Variants in MNAT1 observed in about 807,000 individuals in gnomAD.
MNAT1 encodes MNAT1 component of CDK activating kinase, also known as CDK-activating kinase assembly factor MAT1.
MNAT1 carries 43 observed loss-of-function variants against 42.0 expected under a neutral mutation model. The ratio of observed to expected loss-of-function variants is 1.02; its 90% CI spans 0.80 to 1.32. MNAT1 has a LOEUF of 1.32. MNAT1 is among the 40% of genes most tolerant of loss of function. MNAT1 has a pLI of 0.00. For missense variants in MNAT1, 306 were observed against 350.4 expected, an observed-to-expected ratio of 0.87 and a Z score of 1.01; for synonymous variants, 118 against 120.0, an observed-to-expected ratio of 0.98 and a Z score of 0.11.
chr14:60,893,239 A>C (rs544249524), intron 7 of MNAT1, among the ~76,000 whole-genome samples: 1 of 152,030 alleles, frequency 6.6e-6, no homozygotes, highest in East Asian at 1.9e-4. Flanking sequence ...AGGCCATCAA[A>C]GGAATTCTTT....
chr14:60,939,582 C>T (rs539878609), intron 7 of MNAT1, among the ~76,000 whole-genome samples: 1 of 152,170 alleles, frequency 6.6e-6, no homozygotes. Flanking sequence ...TTTGATTGCA[C>T]TGTGGTCTGA....
At chr14:60,834,532 A>G (rs1264963767) in intron 6 of MNAT1, among the ~76,000 whole-genome samples, 3 of 152,070 alleles carry the variant, frequency 2.0e-5, no homozygotes, top group African/African-American at 4.8e-5. Flanking sequence ...ACCATTTGTT[A>G]TGATTTTTGT....
chr14:60,962,904 T>TA (rs1239937819), intron 7 of MNAT1, among the ~76,000 whole-genome samples: 1 of 152,204 alleles, frequency 6.6e-6, no homozygotes, highest in Non-Finnish European at 1.5e-5. Context: ...GGCTAGATGG[T>TA]AAAGTGTAAG....
chr14:60,826,474 G>T (rs1354682986), intron 6 of MNAT1, among the ~76,000 whole-genome samples: 1 of 151,770 alleles, frequency 6.6e-6, no homozygotes, highest in Non-Finnish European at 1.5e-5. Flanking sequence ...ATGCCACCAT[G>T]CCCGGCTAAT....
intron 1 of MNAT1, among the ~76,000 whole-genome samples, chr14:60,754,176 A>G (rs1352595279): frequency 1.3e-5 from 2 of 152,226 alleles, no homozygotes; most frequent in Non-Finnish European, 2.9e-5. Flanking sequence ...GTGAGATAAT[A>G]AATTGTTTAT....
chr14:60,822,213 G>A (rs1423056705), intron 6 of MNAT1, among the ~76,000 whole-genome samples: 1 of 151,968 alleles, frequency 6.6e-6, no homozygotes, highest in Non-Finnish European at 1.5e-5. Context: ...AGTTGCTGGT[G>A]GTCTTTCTGT....
At chr14:60,760,770 C>T (rs1372165297) in intron 1 of MNAT1, among the ~76,000 whole-genome samples, 2 of 152,180 alleles carry the variant, frequency 1.3e-5, no homozygotes, top group African/African-American at 2.4e-5. Flanking sequence ...AAATCGTTCT[C>T]CTCTTGTCTG....
At chr14:60,784,396 C>G (rs1286704516) in intron 1 of MNAT1, among the ~76,000 whole-genome samples, 2 of 150,784 alleles carry the variant, frequency 1.3e-5, no homozygotes, top group Admixed American at 1.3e-4. Flanking sequence ...TCAGGCTGGT[C>G]TTGAACCCCT....
chr14:60,797,769 C>CA (rs2032065073), intron 2 of MNAT1, among the ~76,000 whole-genome samples: 1 of 151,782 alleles, frequency 6.6e-6, no homozygotes, highest in Non-Finnish European at 1.5e-5. Context: ...CTACTAAATA[C>CA]AAAAAACATT....
intron 7 of MNAT1, among the ~76,000 whole-genome samples, chr14:60,916,946 C>CT (rs1291188364): frequency 6.6e-6 from 1 of 151,994 alleles, no homozygotes; most frequent in Non-Finnish European, 1.5e-5. Flanking sequence ...GAGCAAGACT[C>CT]TGTCTCCAAA....
chr14:60,826,318 T>C lies in MNAT1; in HGVS notation c.687+7471T>C, dbSNP rs1214185737. Among the ~76,000 whole-genome samples the C allele has an allele frequency of 9.1e-5, 13 of 143,006 alleles. 1 individual carries two copies. The highest frequency in any genetic ancestry group is 1.2e-4 in the Non-Finnish European group (8 of 65,974). 93.8% of individuals were successfully genotyped at this position (143,006 alleles called of 152,430 possible). A position where few individuals can be genotyped will look rare whatever the true frequency, so the allele number is the denominator to read the frequency against. On this transcript the variant is annotated intron_variant, in intron 6 of 7. Transcript: ENST00000261245. The stretch of plus-strand genomic sequence containing the variant: ...CATGAATAGGAGAAATTTTTTTTTT[T>C]TTTTTTTTTTTTTTTTGAGATGGAG...
chr14:60,906,641 G>A (rs1313879925), intron 7 of MNAT1, among the ~76,000 whole-genome samples: 1 of 152,082 alleles, frequency 6.6e-6, no homozygotes, highest in African/African-American at 2.4e-5. Context: ...TTGCTCCTAG[G>A]GTTTTATCTG....
intron 1 of MNAT1, among the ~76,000 whole-genome samples, chr14:60,742,963 A>T (rs947595063): frequency 1.3e-5 from 2 of 152,206 alleles, no homozygotes; most frequent in African/African-American, 4.8e-5. Flanking sequence ...ACATTCATGT[A>T]CAAGTTTTCG....
chr14:60,834,923 C>CCCTT (rs35945471), intron 6 of MNAT1, among the ~76,000 whole-genome samples: 44,342 of 93,704 alleles, frequency 0.47, 12,774 homozygotes, highest in Non-Finnish European at 0.6. Flanking sequence ...TTATGTAGTG[C>CCCTT]CCTTCCTTCC....
intron 1 of MNAT1, among the ~76,000 whole-genome samples, chr14:60,747,023 T>C (rs1896656081): frequency 7.0e-6 from 1 of 142,932 alleles, no homozygotes. Flanking sequence ...TCTCGCTCTG[T>C]CGCCCAGTCT....
At chr14:60,936,911 C>T (rs907732746) in intron 7 of MNAT1, among the ~76,000 whole-genome samples, 43 of 152,134 alleles carry the variant, frequency 2.8e-4, no homozygotes, top group African/African-American at 1.0e-3. Context: ...TTTTAATGAT[C>T]ACCATTCTAA....
At chr14:60,909,495 T>A (rs1233542793) in intron 7 of MNAT1, among the ~76,000 whole-genome samples, 1 of 152,218 alleles carries the variant, frequency 6.6e-6, no homozygotes, top group Non-Finnish European at 1.5e-5. Context: ...TGAATTACTT[T>A]TTGTATAAGG....
intron 7 of MNAT1, among the ~76,000 whole-genome samples, chr14:60,904,323 AAATT>A (rs1455265424): frequency 1.3e-5 from 2 of 152,196 alleles, no homozygotes; most frequent in South Asian, 2.1e-4. Flanking sequence ...AAATATTACT[AAATT>A]AATTTTTTTT....
At chr14:60,778,459 T>C (rs1383622423) in intron 1 of MNAT1, among the ~76,000 whole-genome samples, 1 of 152,186 alleles carries the variant, frequency 6.6e-6, no homozygotes, top group East Asian at 1.9e-4. Context: ...GTACCTTCCC[T>C]CACCTTGGAA....
Sources: allele counts gnomAD v4.1 joint callset (sites outside exome capture counted in the v4.1 genomes callset), GRCh38; gene constraint gnomAD v4.1.1; transcripts MANE v1.5; gene names NCBI Gene and HGNC (gene_info 2026-07-23, HGNC 2026-07-21).